PPP2R2B: variants seen among roughly 807,000 people sequenced by gnomAD.
PPP2R2B encodes the protein protein phosphatase 2 regulatory subunit Bbeta, also known as serine/threonine-protein phosphatase 2A 55 kDa regulatory subunit B beta isoform.
A neutral mutation model predicts 46.0 loss-of-function variants in PPP2R2B; 5 were observed. That is an observed-to-expected ratio of 0.11 (90% CI 0.06 to 0.23). The LOEUF (loss-of-function observed/expected upper bound fraction) is 0.23. Among genes scored for constraint, PPP2R2B ranks in the 10% least tolerant of loss-of-function variants. The pLI, the probability that PPP2R2B is intolerant of heterozygous loss-of-function variation, is 1.00. For synonymous variants in PPP2R2B, 215 were observed against 206.7 expected (o/e 1.04, Z -0.34); for missense variants, 367 against 575.0 (o/e 0.64, Z 3.70).
At chr5:146,741,936 A>T (rs898219009) in intron 2 of PPP2R2B, among the ~76,000 whole-genome samples, 9 of 152,178 alleles carry the variant, frequency 5.9e-5, no homozygotes, top group African/African-American at 1.9e-4. Context: ...TTAGGTAAGA[A>T]ATTATATTTG....
intron 2 of PPP2R2B, among the ~76,000 whole-genome samples, chr5:146,715,493 C>G (rs958208545): frequency 2.0e-5 from 3 of 152,204 alleles, no homozygotes; most frequent in African/African-American, 7.2e-5. Context: ...TACATACACT[C>G]TCTTCCTAAA....
chr5:146,784,270 A>G (rs568723953), intron 2 of PPP2R2B, among the ~76,000 whole-genome samples: 3 of 152,372 alleles, frequency 2.0e-5, no homozygotes, highest in South Asian at 2.1e-4. Context: ...GTCACAACTA[A>G]AAGTGTGAGA....
intron 7 of PPP2R2B, among the ~76,000 whole-genome samples, chr5:146,608,659 G>T (rs1317005460): frequency 1.3e-5 from 2 of 152,128 alleles, no homozygotes; most frequent in Admixed American, 6.5e-5. Flanking sequence ...GCTGGGCATA[G>T]TGGCGCATGC....
At chr5:146,623,039 C>CAATTT (rs1773812146) in intron 7 of PPP2R2B, among the ~76,000 whole-genome samples, 1 of 152,170 alleles carries the variant, frequency 6.6e-6, no homozygotes, top group Non-Finnish European at 1.5e-5. Context: ...TCAATAACTA[C>CAATTT]AATTTAGTAT....
intron 1 of PPP2R2B, among the ~76,000 whole-genome samples, chr5:146,890,229 G>C (rs918984355): frequency 2.6e-5 from 4 of 152,234 alleles, no homozygotes. Flanking sequence ...AAGTAACACA[G>C]TTCCTCTTTT....
intron 7 of PPP2R2B, among the ~76,000 whole-genome samples, chr5:146,625,958 C>T (rs967437803): frequency 6.6e-6 from 1 of 152,114 alleles, no homozygotes; most frequent in South Asian, 2.1e-4. Flanking sequence ...AAGAAGGGGC[C>T]ATTAGCCATG....
chr5:146,727,941 T>A (rs1349245098), intron 2 of PPP2R2B, among the ~76,000 whole-genome samples: 1 of 152,092 alleles, frequency 6.6e-6, no homozygotes, highest in African/African-American at 2.4e-5. Flanking sequence ...TGACTTTTTT[T>A]AGATTCCACA....
Position 146,583,443 on chromosome 5 carries a change from C to T in PPP2R2B, c.*6504G>A, listed in dbSNP as rs529575300. The T allele has an allele frequency of 1.3e-5, 2 of 152,066 alleles. No individual in the cohort carries two copies. Among genetic ancestry groups the T allele is most frequent in the Non-Finnish European group, 2.9e-5 (2 of 68,024 alleles). 9.4% of individuals were successfully genotyped at this position (152,066 alleles called of 1,614,324 possible). On this transcript the variant is annotated 3_prime_UTR_variant, in exon 10 of 10. Coordinates refer to ENST00000394411, the MANE Select transcript of PPP2R2B (RefSeq NM_181675.4). ...TATCCTTATCTCATAATGAGAAAAT[C>T]GAGGCACAGAGAGGTTGTCATTTTT...
chr5:146,845,304 T>C (rs1331015031), intron 2 of PPP2R2B, among the ~76,000 whole-genome samples: 1 of 296 alleles, frequency 3.4e-3, no homozygotes, highest in Non-Finnish European at 5.7e-3. Flanking sequence ...CTTTTCCTTT[T>C]CTTTTTTTTG....
intron 1 of PPP2R2B, among the ~76,000 whole-genome samples, chr5:146,893,365 G>A (rs906408716): frequency 1.3e-5 from 2 of 152,158 alleles, no homozygotes; most frequent in African/African-American, 2.4e-5. Context: ...ATAAATGCAT[G>A]GATTAAGAAA....
intron 1 of PPP2R2B, among the ~76,000 whole-genome samples, chr5:147,029,763 T>C (rs2151890674): frequency 6.6e-6 from 1 of 152,168 alleles, no homozygotes; most frequent in East Asian, 1.9e-4. Context: ...AAAGGCCATG[T>C]GAGGTCAGAG....
At chr5:146,767,673 C>A (rs1377374868) in intron 2 of PPP2R2B, among the ~76,000 whole-genome samples, 1 of 152,122 alleles carries the variant, frequency 6.6e-6, no homozygotes, top group East Asian at 1.9e-4. Context: ...CACAGCCTCC[C>A]CATTATCAAC....
intron 6 of PPP2R2B, among the ~76,000 whole-genome samples, chr5:146,650,173 T>A (rs946761655): frequency 2.0e-5 from 3 of 152,216 alleles, no homozygotes; most frequent in Non-Finnish European, 4.4e-5. Flanking sequence ...GAAACCAGTA[T>A]GTCTGTGGTC....
Position 147,081,202 on chromosome 5 carries a change from C to T in PPP2R2B, c.-29+55G>A, listed in dbSNP as rs188365616. Reference sequence around the variant, plus strand: ...CTCCCAGTTGTTCTTAAGAGACCAACAAGAAAAGAAATATATAGCAGAATC... The same window carrying T: ...CTCCCAGTTGTTCTTAAGAGACCAATAAGAAAAGAAATATATAGCAGAATC... On this transcript the variant is annotated intron_variant, in intron 1 of 10. Coordinates refer to the PPP2R2B transcript ENST00000394413. 1.7e-3 allele frequency: 2,678 copies of T among 1,535,424 alleles called. 3 individuals are homozygous for T. The highest frequency in any genetic ancestry group is 2.1e-3 in the Non-Finnish European group (2,378 of 1,146,736).
At chr5:146,836,689 T>C (rs1353785960) in intron 2 of PPP2R2B, among the ~76,000 whole-genome samples, 1 of 152,244 alleles carries the variant, frequency 6.6e-6, no homozygotes, top group Non-Finnish European at 1.5e-5. Flanking sequence ...CTGAGAACTG[T>C]TCTTTGTAGA....
chr5:146,857,973 C>T (rs1279892208), intron 2 of PPP2R2B, among the ~76,000 whole-genome samples: 1 of 152,230 alleles, frequency 6.6e-6, no homozygotes, highest in Non-Finnish European at 1.5e-5. Context: ...CAGGCATAAG[C>T]CACCATGCCC....
chr5:147,004,287 G>A (rs1580786340), intron 1 of PPP2R2B, among the ~76,000 whole-genome samples: 1 of 152,076 alleles, frequency 6.6e-6, no homozygotes, highest in East Asian at 1.9e-4. Flanking sequence ...GCCCCAGAGG[G>A]CAAAGCTTCT....
chr5:146,948,829 A>C (rs974268142), intron 1 of PPP2R2B, among the ~76,000 whole-genome samples: 9 of 152,134 alleles, frequency 5.9e-5, no homozygotes, highest in African/African-American at 1.9e-4. Flanking sequence ...ATAAGTAACT[A>C]TAATTGAGTG....
chr5:146,940,747 G>A (rs1764297720), intron 1 of PPP2R2B, among the ~76,000 whole-genome samples: 1 of 152,096 alleles, frequency 6.6e-6, no homozygotes, highest in Admixed American at 6.6e-5. Context: ...AATCACACTA[G>A]GTGCATACAT....
Sources: gnomAD v4.1 joint callset for allele counts (sites outside exome capture counted in the v4.1 genomes callset) on GRCh38, gnomAD v4.1.1 for gene constraint, MANE v1.5 for transcripts, NCBI Gene and HGNC (gene_info 2026-07-23, HGNC 2026-07-21) for gene names.